ESRRG: variants seen among roughly 807,000 people sequenced by gnomAD.
ESRRG encodes the protein estrogen-related receptor gamma.
ESRRG carries 13 observed loss-of-function variants against 44.0 expected under a neutral mutation model. The ratio of observed to expected loss-of-function variants is 0.30; its 90% confidence interval spans 0.19 to 0.47. The LOEUF is 0.47. Ranked by LOEUF, ESRRG falls within the 20% of genes least tolerant of loss-of-function variation. The pLI is 1.00. For synonymous variants in ESRRG, 215 were observed against 214.6 expected (o/e 1.00, Z -0.02); for missense variants, 395 against 580.6 (o/e 0.68, Z 3.29).
intron 1 of ESRRG, among the ~76,000 whole-genome samples, chr1:217,011,559 C>T (rs901784507): frequency 6.6e-6 from 1 of 152,192 alleles, no homozygotes; most frequent in Admixed American, 6.5e-5. Context: ...GCTAGATAAT[C>T]TCCCAAGGAA....
rs1046216720 is a variant in ESRRG at position 216,894,915 on chromosome 1, A to T, written c.-14+44667T>A. Among the ~76,000 whole-genome samples, 10 of 152,212 alleles carry T rather than the reference A, an allele frequency of 6.6e-5. No homozygotes were observed. The East Asian group carries it at 7.7e-4, about 12-fold the overall frequency. On this transcript the variant is annotated intron_variant, in intron 2 of 7. Transcript: ENST00000359162. ...TCCCCCATCCACGTTAATTTTTTTT[A>T]AAAAGATTTAAACTTGCTAAAATAT...
At chr1:216,601,345 G>T (rs144689447) in intron 3 of ESRRG, among the ~76,000 whole-genome samples, 1,764 of 152,242 alleles carry the variant, frequency 0.012, 35 homozygotes, top group African/African-American at 0.04. Flanking sequence ...CGCGTCCGGA[G>T]CCGACGCCGG....
intron 2 of ESRRG, among the ~76,000 whole-genome samples, chr1:216,789,201 A>G (rs938728222): frequency 6.6e-6 from 1 of 152,140 alleles, no homozygotes; most frequent in Admixed American, 6.6e-5. Context: ...TGCAACAGAG[A>G]AATTATTCAT....
intron 1 of ESRRG, among the ~76,000 whole-genome samples, chr1:217,136,801 A>G (rs1015698068): frequency 5.9e-5 from 9 of 152,148 alleles, no homozygotes; most frequent in African/African-American, 2.2e-4. Flanking sequence ...CTCGCTCCAT[A>G]CACCAAACTT....
At chr1:216,523,302 G>A (rs1390180626) in intron 5 of ESRRG, among the ~76,000 whole-genome samples, 2 of 152,084 alleles carry the variant, frequency 1.3e-5, no homozygotes, top group Non-Finnish European at 2.9e-5. Flanking sequence ...CTGCAATACA[G>A]TGTGCTCCAA....
At chr1:216,844,742 G>A (rs1158207619) in intron 2 of ESRRG, among the ~76,000 whole-genome samples, 2 of 150,014 alleles carry the variant, frequency 1.3e-5, no homozygotes, top group Admixed American at 6.7e-5. Context: ...CCTACCTCAT[G>A]TTTCTTCATA....
At chr1:216,674,759 G>A (rs73090000) in intron 2 of ESRRG, among the ~76,000 whole-genome samples, 1 of 151,782 alleles carries the variant, frequency 6.6e-6, no homozygotes, top group South Asian at 2.1e-4. Flanking sequence ...ACAGGTGCAT[G>A]CCACCATGCT....
intron 1 of ESRRG, among the ~76,000 whole-genome samples, chr1:217,021,755 G>T (rs2080358159): frequency 6.6e-6 from 1 of 152,164 alleles, no homozygotes; most frequent in Non-Finnish European, 1.5e-5. Flanking sequence ...AGCTACAAAG[G>T]ATTGAACCAT....
chr1:216,803,464 A>T (rs1382008841), intron 2 of ESRRG, among the ~76,000 whole-genome samples: 2 of 152,106 alleles, frequency 1.3e-5, no homozygotes, highest in African/African-American at 4.8e-5. Context: ...CACTTTTCCC[A>T]CTTACAGATG....
chr1:216,802,992 A>T (rs1373634237), intron 2 of ESRRG, among the ~76,000 whole-genome samples: 2 of 151,912 alleles, frequency 1.3e-5, no homozygotes, highest in African/African-American at 4.8e-5. Context: ...ATTTCTTTCT[A>T]TGGGTTCGTG....
intron 1 of ESRRG, among the ~76,000 whole-genome samples, chr1:217,068,833 T>A (rs921528388): frequency 6.6e-6 from 1 of 152,306 alleles, no homozygotes; most frequent in East Asian, 1.9e-4. Context: ...CAATCATTCT[T>A]CTCCCTTCTA....
intron 1 of ESRRG, among the ~76,000 whole-genome samples, chr1:216,998,925 T>TTATA (rs1445896163): frequency 1.3e-5 from 2 of 152,200 alleles, no homozygotes; most frequent in African/African-American, 2.4e-5. Flanking sequence ...ACATTCACAT[T>TTATA]TGCGTGGTTC....
At chr1:217,080,349 A>T (rs72741492) in intron 1 of ESRRG, among the ~76,000 whole-genome samples, 8 of 151,962 alleles carry the variant, frequency 5.3e-5, no homozygotes, top group Non-Finnish European at 8.8e-5. Flanking sequence ...CCTCACAGAA[A>T]GCTGGAATCC....
At chr1:216,852,281 G>C (rs58776349) in intron 2 of ESRRG, among the ~76,000 whole-genome samples, 2,921 of 152,170 alleles carry the variant, frequency 0.019, 105 homozygotes, top group African/African-American at 0.068. Flanking sequence ...TTGGCACTCA[G>C]TTACAATGAT....
At chr1:216,562,485 G>A (rs549370961) in intron 5 of ESRRG, among the ~76,000 whole-genome samples, 312 of 152,082 alleles carry the variant, frequency 2.1e-3, no homozygotes, top group African/African-American at 6.6e-3. Flanking sequence ...TTTCAGTTTG[G>A]GGGAAGAGGG....
At chr1:216,667,253 C>T (rs899931605) in intron 2 of ESRRG, among the ~76,000 whole-genome samples, 3 of 152,024 alleles carry the variant, frequency 2.0e-5, no homozygotes, top group Admixed American at 1.3e-4. Context: ...ATTAAGTATG[C>T]GTGTGTAAAG....
intron 2 of ESRRG, among the ~76,000 whole-genome samples, chr1:216,776,399 C>T (rs1358138440): frequency 6.6e-6 from 1 of 152,014 alleles, no homozygotes; most frequent in Non-Finnish European, 1.5e-5. Context: ...GAGTTGCATC[C>T]CGAGGTGGTC....
At chr1:217,053,133 TAAAAAAAAAA>T (rs71303007) in intron 1 of ESRRG, among the ~76,000 whole-genome samples, 1 of 119,054 alleles carries the variant, frequency 8.4e-6, no homozygotes, top group Non-Finnish European at 1.7e-5. Context: ...AATCCCATCT[TAAAAAAAAAA>T]AAAAAAAAAA....
At chr1:216,880,078 C>A in intron 2 of ESRRG, among the ~76,000 whole-genome samples, 1 of 151,718 alleles carries the variant, frequency 6.6e-6, no homozygotes, top group East Asian at 1.9e-4. Flanking sequence ...GAGTTCGAGG[C>A]GGTTGGATCA....
Sources: allele counts gnomAD v4.1 joint callset (sites outside exome capture counted in the v4.1 genomes callset), GRCh38; gene constraint gnomAD v4.1.1; transcripts MANE v1.5; gene names NCBI Gene and HGNC (gene_info 2026-07-23, HGNC 2026-07-21).